OR56A3: variants seen among roughly 807,000 people sequenced by gnomAD.
The protein encoded by OR56A3 is olfactory receptor family 56 subfamily A member 3, also known as olfactory receptor 56A3.
Under a neutral mutation model 17.5 loss-of-function variants are expected in OR56A3, and 23 were observed. That is an observed-to-expected ratio of 1.32 (90% CI 0.95 to 1.87). The LOEUF is 1.87. Among genes scored for constraint, OR56A3 ranks in the 40% most tolerant of loss-of-function variants. OR56A3 has a pLI of 0.00. For synonymous variants in OR56A3, 175 were observed against 150.6 expected (o/e 1.16, Z -1.19); for missense variants, 366 against 380.1 (o/e 0.96, Z 0.31).
At chr11:6,000,930 G>A in the OR56A3 span, 4 of 152,178 alleles carry the variant, frequency 2.6e-5, no homozygotes, top group African/African-American at 9.7e-5. Context: ...ATAAGCTTCA[G>A]TACAAATGGA....
chr11:5,986,523 C>A, the OR56A3 span: 2 of 1,613,872 alleles, frequency 1.2e-6, no homozygotes, highest in Non-Finnish European at 1.7e-6. Context: ...GATCCAGAGC[C>A]ATGGCCACAA....
chr11:5,986,920 A>T, the OR56A3 span: 2 of 1,612,384 alleles, frequency 1.2e-6, no homozygotes, highest in Non-Finnish European at 1.7e-6. Flanking sequence ...GAAAAAAGAA[A>T]CCAAAGTCAT....
the OR56A3 span, among the ~76,000 whole-genome samples, chr11:5,982,696 A>G: frequency 6.6e-6 from 1 of 152,190 alleles, no homozygotes; most frequent in Non-Finnish European, 1.5e-5. Context: ...AGCCAGTCCC[A>G]TGCCAAACCC....
chr11:5,956,514 A>T, the OR56A3 span, among the ~76,000 whole-genome samples: 1 of 152,228 alleles, frequency 6.6e-6, no homozygotes, highest in African/African-American at 2.4e-5. Context: ...AAGCAATGAA[A>T]CAACAACTAT....
the OR56A3 span, among the ~76,000 whole-genome samples, chr11:5,956,885 G>A: frequency 6.6e-6 from 1 of 152,116 alleles, no homozygotes; most frequent in Non-Finnish European, 1.5e-5. Flanking sequence ...GGCCTGGCGC[G>A]GTGTCTCACG....
chr11:6,012,524 C>A, the OR56A3 span, among the ~76,000 whole-genome samples: 10 of 152,078 alleles, frequency 6.6e-5, no homozygotes, highest in Admixed American at 6.5e-5. Context: ...GCAGGTCATC[C>A]CATTGTCTGC....
chr11:5,962,126 T>G, the OR56A3 span, among the ~76,000 whole-genome samples: 3 of 152,260 alleles, frequency 2.0e-5, no homozygotes, highest in Non-Finnish European at 4.4e-5. Context: ...CAAATGATTT[T>G]TCTACATAGT....
the OR56A3 span, among the ~76,000 whole-genome samples, chr11:5,993,408 T>C: frequency 1.3e-3 from 194 of 152,306 alleles, no homozygotes; most frequent in African/African-American, 4.5e-3. Flanking sequence ...GATGATACTC[T>C]TTCTTTAACA....
chr11:6,003,322 G>A, the OR56A3 span: 2 of 484,822 alleles, frequency 4.1e-6, no homozygotes, highest in African/African-American at 2.0e-5. Flanking sequence ...CTACCACCAC[G>A]CAGTTTAAAA....
the OR56A3 span, among the ~76,000 whole-genome samples, chr11:5,973,187 A>AT: frequency 6.6e-6 from 1 of 152,176 alleles, no homozygotes; most frequent in Non-Finnish European, 1.5e-5. Flanking sequence ...ATTATCAACT[A>AT]TATGTCCAGA....
At chr11:5,987,277 A>C in the OR56A3 span, among the ~76,000 whole-genome samples, 1 of 152,138 alleles carries the variant, frequency 6.6e-6, no homozygotes, top group African/African-American at 2.4e-5. Flanking sequence ...TTTTGAAATT[A>C]GTCTTCCTCA....
the OR56A3 span, among the ~76,000 whole-genome samples, chr11:5,976,460 C>G: frequency 7.9e-5 from 12 of 151,982 alleles, no homozygotes; most frequent in Non-Finnish European, 1.5e-5. Context: ...GTCCTAAAAT[C>G]TATAAATAAA....
chr11:5,971,252 A>C, the OR56A3 span, among the ~76,000 whole-genome samples: 68 of 152,320 alleles, frequency 4.5e-4, 1 homozygote, highest in South Asian at 0.012. Flanking sequence ...ATTTCCTCCA[A>C]ATGAAGAGAA....
the OR56A3 span, chr11:6,019,838 A>G: frequency 1.3e-5 from 2 of 152,114 alleles, no homozygotes; most frequent in Admixed American, 1.3e-4. Flanking sequence ...CACAGTATTC[A>G]ATTCGTCAGT....
At chr11:6,010,123 T>A in the OR56A3 span, among the ~76,000 whole-genome samples, 1 of 152,326 alleles carries the variant, frequency 6.6e-6, no homozygotes, top group African/African-American at 2.4e-5. Context: ...CATGCTTTTT[T>A]ACTCCATCTT....
intron 2 of OR56A3, 109 bp downstream of exon 2, chr11:5,945,191 A>T (rs1160261602): frequency 1.3e-5 from 2 of 152,204 alleles, no homozygotes; most frequent in African/African-American, 4.8e-5. Flanking sequence ...TCCTCGACAG[A>T]TTCAATTCTT....
At chr11:5,952,249 G>T (rs1032729605), downstream of OR56A3, among the ~76,000 whole-genome samples, 1 of 152,184 alleles carries the variant, frequency 6.6e-6, no homozygotes, top group Non-Finnish European at 1.5e-5. Flanking sequence ...TTGCCACTTG[G>T]CAGAAAGGTA....
chr11:5,947,239 C>T (rs1225023501), intron 2 of OR56A3, 72 bp from the exon 3 acceptor site: 1 of 1,046,286 alleles, frequency 9.6e-7, no homozygotes, highest in East Asian at 2.6e-5. Flanking sequence ...ACAAGTTGTA[C>T]CTATGACAAA....
chr11:5,952,459 A>G (rs1279347687), downstream of OR56A3, among the ~76,000 whole-genome samples: 1 of 152,146 alleles, frequency 6.6e-6, no homozygotes, highest in Non-Finnish European at 1.5e-5. Context: ...TTATGATTCA[A>G]TACTAAGACA....
Sources: gnomAD v4.1 joint callset for allele counts (sites outside exome capture counted in the v4.1 genomes callset) on GRCh38, gnomAD v4.1.1 for gene constraint, MANE v1.5 for transcripts, NCBI Gene and HGNC (gene_info 2026-07-23, HGNC 2026-07-21) for gene names.